Variants in NUP93 observed in about 807,000 individuals in gnomAD.
The protein encoded by NUP93 is nucleoporin 93, also known as nuclear pore complex protein Nup93.
In NUP93, 55 loss-of-function variants were observed where a neutral mutation model predicts 107.8. That is an observed-to-expected ratio of 0.51 (90% CI 0.41 to 0.64). The LOEUF (loss-of-function observed/expected upper bound fraction) is 0.64, where lower values mean the gene tolerates loss of function less well. NUP93 is among the 30% of genes least tolerant of loss of function. NUP93 has a pLI of 0.00. For synonymous variants in NUP93, 390 were observed against 397.5 expected, an observed-to-expected ratio of 0.98 and a Z score of 0.22; for missense variants, 937 against 1,044.7, an observed-to-expected ratio of 0.90 and a Z score of 1.42.
intron 1 of NUP93, among the ~76,000 whole-genome samples, chr16:56,742,585 C>G (rs1299954755): frequency 6.6e-6 from 1 of 152,222 alleles, no homozygotes; most frequent in Non-Finnish European, 1.5e-5. Context: ...GCCTACAAAG[C>G]CCGAACTATT....
chr16:56,792,019 T>C (rs1482391965), intron 3 of NUP93, among the ~76,000 whole-genome samples: 2 of 152,140 alleles, frequency 1.3e-5, no homozygotes. Flanking sequence ...ATTTATTTTA[T>C]TAAAAAATGC....
At chr16:56,814,167 T>C (rs1473644319) in intron 5 of NUP93, among the ~76,000 whole-genome samples, 1 of 152,210 alleles carries the variant, frequency 6.6e-6, no homozygotes, top group Admixed American at 6.5e-5. Context: ...GGAGTGCTAG[T>C]TGCATTCCTT....
At chr16:56,776,889 A>G (rs755168533) in intron 3 of NUP93, among the ~76,000 whole-genome samples, 3 of 152,260 alleles carry the variant, frequency 2.0e-5, no homozygotes, top group Non-Finnish European at 4.4e-5. Context: ...CAGTGAACAT[A>G]TATCTTATTA....
In NUP93 at chr16:56,836,723, G is replaced by T. The variant is rs1199620351; in HGVS notation, c.1899+6G>T. ...AGCTGTATGACCTTGCCAAGGTAAA[G>T]TGTGCCCACTTCCTTCTTTTGCACT... On this transcript the variant is annotated splice_donor_region_variant and intron_variant, in intron 17 of 21. Transcript: ENST00000308159. 1 of 1,578,428 alleles carries T rather than the reference G, an allele frequency of 6.3e-7. No homozygotes were observed. The highest frequency in any genetic ancestry group is 8.7e-7 in the Non-Finnish European group (1 of 1,148,670).
intron 8 of NUP93, among the ~76,000 whole-genome samples, chr16:56,827,981 G>A (rs375118419): frequency 5.3e-5 from 8 of 152,188 alleles, no homozygotes; most frequent in East Asian, 1.9e-4. Context: ...TTAGCTGGGC[G>A]TGGTGGCCCA....
intron 3 of NUP93, among the ~76,000 whole-genome samples, chr16:56,790,188 T>C (rs1342102275): frequency 2.0e-5 from 3 of 152,220 alleles, no homozygotes; most frequent in Admixed American, 1.3e-4. Flanking sequence ...GGACTTTTGC[T>C]ATTCAGTCTG....
chr16:56,811,166 G>A (rs1163077589), intron 5 of NUP93, among the ~76,000 whole-genome samples: 5 of 152,150 alleles, frequency 3.3e-5, no homozygotes, highest in Non-Finnish European at 5.9e-5. Flanking sequence ...CATATGTTCA[G>A]CATTAGCAGA....
chr16:56,784,700 A>G (rs1962587887), intron 3 of NUP93, among the ~76,000 whole-genome samples: 2 of 152,238 alleles, frequency 1.3e-5, no homozygotes, highest in Non-Finnish European at 2.9e-5. Context: ...CTTTACCATG[A>G]AGAATTTGCT....
chr16:56,739,025 G>A (rs1218506824), intron 1 of NUP93, among the ~76,000 whole-genome samples: 1 of 150,614 alleles, frequency 6.6e-6, no homozygotes, highest in Admixed American at 6.6e-5. Context: ...AGAGCACAGG[G>A]TTGGGGGTAA....
intron 5 of NUP93, among the ~76,000 whole-genome samples, chr16:56,809,895 A>G (rs1377476813): frequency 3.3e-5 from 5 of 152,218 alleles, no homozygotes; most frequent in Non-Finnish European, 5.9e-5. Context: ...ACAAATGTAT[A>G]ATATCGTTGG....
At chr16:56,772,920 C>T (rs1446193114) in intron 3 of NUP93, among the ~76,000 whole-genome samples, 2 of 152,190 alleles carry the variant, frequency 1.3e-5, no homozygotes, top group African/African-American at 4.8e-5. Flanking sequence ...GACCCTGTTT[C>T]CTCCAGCCTG....
rs1267703338 is a variant in NUP93, at chr16:56,823,935, T to A, written c.794+89T>A. The A allele has an allele frequency of 4.1e-6, 6 of 1,456,976 alleles. No individual in the cohort carries two copies. The African/African-American group carries it at 8.5e-5, about 21-fold the overall frequency. 90.3% of individuals were successfully genotyped at this position (1,456,976 alleles called of 1,614,324 possible). ...TCTTAAGTTGTCCTCAGGCTAGGTG[T>A]GCTGTAGGTATAATTTAAGATTTAT... On this transcript the variant is annotated intron_variant, in intron 8 of 21. Coordinates refer to ENST00000308159, the MANE Select transcript of NUP93 (RefSeq NM_014669.5).
intron 10 of NUP93, among the ~76,000 whole-genome samples, chr16:56,831,154 C>CT (rs1567409626): frequency 6.6e-6 from 1 of 152,164 alleles, no homozygotes; most frequent in African/African-American, 2.4e-5. Flanking sequence ...TTCATTAAGT[C>CT]TTTAAGTTCT....
chr16:56,813,791 C>T (rs530711729), intron 5 of NUP93, among the ~76,000 whole-genome samples: 1 of 152,338 alleles, frequency 6.6e-6, no homozygotes, highest in African/African-American at 2.4e-5. Flanking sequence ...TATTTTACAA[C>T]TTCTCCTAGG....
chr16:56,839,453 T>G, intron 19 of NUP93, 68 bp from the exon 20 acceptor site: 1 of 1,317,892 alleles, frequency 7.6e-7, no homozygotes, highest in Non-Finnish European at 1.1e-6. Flanking sequence ...AGGTGCTGAC[T>G]TTACATGTAG....
intron 5 of NUP93, among the ~76,000 whole-genome samples, chr16:56,808,675 TA>T (rs1205505391): frequency 3.8e-5 from 5 of 132,976 alleles, no homozygotes; most frequent in African/African-American, 1.1e-4. Context: ...TATAAATATA[TA>T]AAATACATAT....
At position 56,833,347 on chromosome 16, in the gene NUP93, C is replaced by T. The variant is rs1156884372; in HGVS notation, c.1478C>T (p.Ala493Val). The change falls in exon 13 of 22, where the codon GCA becomes GTA. Residue 493 changes from alanine (A) to valine (V), a missense_variant. By Grantham distance (64) the Ala-to-Val change is moderately conservative. Transcript: ENST00000308159. ...CTGCGCTGCCATGCTGTCCATGTAG[C>T]ACTGGTGCTGTTTGAGCTGAAGCTG... is the stretch of plus-strand genomic sequence containing the variant. ...ERLRCHAVHV[A>V]LVLFELKLLL... 3 of 1,594,862 alleles carry T rather than the reference C, an allele frequency of 1.9e-6. No individual in the cohort carries two copies. Among genetic ancestry groups the T allele is most frequent in the Non-Finnish European group, 2.6e-6 (3 of 1,173,454 alleles).
At chr16:56,779,418 G>T (rs1312303356) in intron 3 of NUP93, among the ~76,000 whole-genome samples, 11 of 152,076 alleles carry the variant, frequency 7.2e-5, no homozygotes, top group African/African-American at 2.7e-4. Flanking sequence ...TTAGTTTTTG[G>T]TGTCTAGGGT....
chr16:56,817,541 A>G (rs1406425599), intron 5 of NUP93, among the ~76,000 whole-genome samples: 2 of 152,228 alleles, frequency 1.3e-5, no homozygotes, highest in African/African-American at 4.8e-5. Flanking sequence ...GATCTCTGCT[A>G]TGCTACAGTA....
Sources: gnomAD v4.1 joint callset for allele counts (sites outside exome capture counted in the v4.1 genomes callset) on GRCh38, gnomAD v4.1.1 for gene constraint, MANE v1.5 for transcripts, NCBI Gene and HGNC (gene_info 2026-07-23, HGNC 2026-07-21) for gene names.